Variants in TBC1D5 observed in about 807,000 individuals in gnomAD.
TBC1D5 encodes the protein TBC1 domain family member 5.
TBC1D5 carries 75 observed loss-of-function variants against 100.3 expected under a neutral mutation model. The ratio of observed to expected loss-of-function variants is 0.75; its 90% CI spans 0.62 to 0.91. TBC1D5 has a LOEUF of 0.91. TBC1D5 is among the 40% of genes least tolerant of loss of function. The pLI, the probability that TBC1D5 is intolerant of heterozygous loss-of-function variation, is 0.00. For synonymous variants in TBC1D5, 323 were observed against 325.6 expected, an observed-to-expected ratio of 0.99 and a Z score of 0.09; for missense variants, 910 against 942.4, an observed-to-expected ratio of 0.97 and a Z score of 0.45.
intron 13 of TBC1D5, among the ~76,000 whole-genome samples, chr3:17,312,549 A>G (rs2084156244): frequency 6.6e-6 from 1 of 152,130 alleles, no homozygotes; most frequent in African/African-American, 2.4e-5. Flanking sequence ...CCCAGCTTGA[A>G]TTTGCCTTTT....
rs568981605 is a variant in TBC1D5, at chr3:17,196,309, GA to G, written c.1753-11102del. Among the ~76,000 whole-genome samples, 8 of 152,336 alleles carry G rather than the reference GA, an allele frequency of 5.3e-5. No homozygotes were observed. The East Asian group carries it at 1.5e-3, about 29-fold the overall frequency. ...TTACAAGTGCTGAAAGCTCCTAGCAGAGAAGGCTCCATGGGACACAAGGTGC... is the reference window on the plus strand; with the variant it reads ...TTACAAGTGCTGAAAGCTCCTAGCAGGAAGGCTCCATGGGACACAAGGTGC... On this transcript the variant is annotated intron_variant, in intron 18 of 21. Transcript: ENST00000253692.
intron 15 of TBC1D5, among the ~76,000 whole-genome samples, chr3:17,270,854 C>G (rs575949099): frequency 2.6e-5 from 4 of 152,276 alleles, no homozygotes; most frequent in African/African-American, 9.6e-5. Context: ...TTTCCCAGCA[C>G]CACTTATTGA....
intron 2 of TBC1D5, among the ~76,000 whole-genome samples, chr3:17,599,346 G>A (rs1023356579): frequency 6.6e-6 from 1 of 151,894 alleles, no homozygotes; most frequent in African/African-American, 2.4e-5. Flanking sequence ...AGGCGCAGCA[G>A]AGGAGGAGAG....
chr3:17,578,939 A>G (rs1049771986), intron 2 of TBC1D5, among the ~76,000 whole-genome samples: 1 of 152,072 alleles, frequency 6.6e-6, no homozygotes, highest in Non-Finnish European at 1.5e-5. Flanking sequence ...AGTACATAAG[A>G]GCAGAGGTTT....
At chr3:17,345,162 C>T (rs1350239920) in intron 13 of TBC1D5, among the ~76,000 whole-genome samples, 235 of 151,834 alleles carry the variant, frequency 1.5e-3, no homozygotes, top group African/African-American at 5.4e-3. Context: ...ATTTTTGCAA[C>T]CTACTCATCT....
intron 18 of TBC1D5, among the ~76,000 whole-genome samples, chr3:17,201,292 C>T (rs2071431758): frequency 6.6e-6 from 1 of 152,122 alleles, no homozygotes; most frequent in South Asian, 2.1e-4. Context: ...AACCCCAGAC[C>T]AGGGTGTGCT....
At chr3:17,631,057 A>AG (rs2063466747) in intron 1 of TBC1D5, among the ~76,000 whole-genome samples, 2 of 145,178 alleles carry the variant, frequency 1.4e-5, no homozygotes, top group African/African-American at 2.5e-5. Context: ...AAAAAAAAAA[A>AG]AAAAAGTTAG....
intron 1 of TBC1D5, among the ~76,000 whole-genome samples, chr3:17,693,719 AG>A: frequency 6.6e-6 from 1 of 152,372 alleles, no homozygotes; most frequent in Middle Eastern, 3.4e-3. Context: ...ACGGCTCTGA[AG>A]AGAGCAGTGG....
At chr3:17,665,260 C>T (rs2067134504) in intron 1 of TBC1D5, among the ~76,000 whole-genome samples, 1 of 152,110 alleles carries the variant, frequency 6.6e-6, no homozygotes, top group Admixed American at 6.5e-5. Flanking sequence ...AGGCCCCAGG[C>T]AATGAAAACC....
chr3:17,466,293 A>T (rs1038623532), intron 3 of TBC1D5, among the ~76,000 whole-genome samples: 1 of 152,244 alleles, frequency 6.6e-6, no homozygotes, highest in Non-Finnish European at 1.5e-5. Context: ...TCTATTAGTA[A>T]AAATTTAGTG....
intron 1 of TBC1D5, among the ~76,000 whole-genome samples, chr3:17,679,942 A>G (rs764762932): frequency 6.6e-6 from 1 of 151,296 alleles, no homozygotes; most frequent in Non-Finnish European, 1.5e-5. Context: ...CACTCTCACA[A>G]TCGTGACAAG....
intron 2 of TBC1D5, among the ~76,000 whole-genome samples, chr3:17,577,998 CAT>C (rs1321877438): frequency 6.6e-6 from 1 of 151,946 alleles, no homozygotes; most frequent in African/African-American, 2.4e-5. Context: ...TGAGAAAATG[CAT>C]AGTGACTGCA....
At chr3:17,702,360 A>G (rs898302718) in intron 1 of TBC1D5, 1 of 2,254 alleles carries the variant, frequency 4.4e-4, no homozygotes, top group Non-Finnish European at 7.7e-4. Context: ...TAATAGTTAT[A>G]TAAATGGTGT....
intron 12 of TBC1D5, among the ~76,000 whole-genome samples, chr3:17,373,138 A>G (rs2092549197): frequency 6.6e-6 from 1 of 152,192 alleles, no homozygotes; most frequent in Non-Finnish European, 1.5e-5. Flanking sequence ...CTAACCATTT[A>G]AAAATGTTAA....
At chr3:17,266,958 G>A (rs2078910975) in intron 15 of TBC1D5, among the ~76,000 whole-genome samples, 1 of 151,888 alleles carries the variant, frequency 6.6e-6, no homozygotes, top group African/African-American at 2.4e-5. Flanking sequence ...CGTTAATTGG[G>A]TAAAGACACA....
intron 2 of TBC1D5, among the ~76,000 whole-genome samples, chr3:17,594,744 T>G (rs1389410023): frequency 6.6e-6 from 1 of 152,196 alleles, no homozygotes; most frequent in East Asian, 1.9e-4. Context: ...AAAGGATAGT[T>G]GTATTATGTT....
intron 18 of TBC1D5, among the ~76,000 whole-genome samples, chr3:17,203,461 G>A (rs973788113): frequency 2.0e-5 from 3 of 152,174 alleles, no homozygotes; most frequent in African/African-American, 7.2e-5. Flanking sequence ...TGTTGAGAAG[G>A]GAGGATTATC....
At chr3:17,161,194 G>A (rs751182896) in exon 22 of TBC1D5, 5 of 1,614,074 alleles carry the variant, frequency 3.1e-6, no homozygotes, top group South Asian at 2.2e-5. Context: ...CATCATCTTT[G>A]GAAATCAGGA....
chr3:17,335,381 G>A (rs2087560089), intron 13 of TBC1D5, among the ~76,000 whole-genome samples: 1 of 152,076 alleles, frequency 6.6e-6, no homozygotes, highest in African/African-American at 2.4e-5. Flanking sequence ...AATGCTGGGA[G>A]CTTTTGCCCT....
Sources: allele counts gnomAD v4.1 joint callset (sites outside exome capture counted in the v4.1 genomes callset), GRCh38; gene constraint gnomAD v4.1.1; transcripts MANE v1.5; gene names NCBI Gene and HGNC (gene_info 2026-07-23, HGNC 2026-07-21).